The following TRAPPC9 variants were observed in gnomAD, a reference collection of about 807,000 sequenced individuals.
The protein encoded by TRAPPC9 is IKK2 binding protein.
A neutral mutation model predicts 124.0 loss-of-function variants in TRAPPC9; 83 were observed. That is an observed-to-expected ratio of 0.67 (90% CI 0.56 to 0.80). The LOEUF is 0.80. Ranked by LOEUF, TRAPPC9 falls within the 30% of genes least tolerant of loss-of-function variation. The probability of loss-of-function intolerance (pLI) is 0.00; values close to 1 mark genes in which losing one functional copy is unlikely to be tolerated. For missense variants in TRAPPC9, 1,302 were observed against 1,508.3 expected (o/e 0.86, Z 2.27); for synonymous variants, 638 against 617.5 (o/e 1.03, Z -0.49).
At chr8:140,093,334 G>T (rs1844698477) in intron 17 of TRAPPC9, among the ~76,000 whole-genome samples, 1 of 152,146 alleles carries the variant, frequency 6.6e-6, no homozygotes, top group Non-Finnish European at 1.5e-5. Context: ...AGCAGATGGT[G>T]ACCTGAAGAA....
intron 10 of TRAPPC9, among the ~76,000 whole-genome samples, chr8:140,309,899 C>T (rs1354797267): frequency 3.3e-5 from 5 of 152,316 alleles, no homozygotes; most frequent in Admixed American, 1.3e-4. Flanking sequence ...GCCACAGCCA[C>T]GCCTTTTGGA....
chr8:139,980,737 G>A lies in TRAPPC9; in HGVS notation c.2810+7989C>T, dbSNP rs76775822. On this transcript the variant is annotated intron_variant, in intron 19 of 22. Transcript: ENST00000438773. ...GAGTTGAGGCTGCAGAGGGCTCCGC[G>A]TGGCTCCAGCCCGTGCGTGTTCATC... 4.4e-3 allele frequency among the ~76,000 whole-genome samples: 671 copies of A among 152,332 alleles called. 12 individuals are homozygous for A. Among genetic ancestry groups the A allele is most frequent in the East Asian group, 0.019 (98 of 5,174 alleles).
intron 17 of TRAPPC9, among the ~76,000 whole-genome samples, chr8:140,167,386 A>G (rs1028130812): frequency 3.9e-5 from 6 of 152,168 alleles, no homozygotes; most frequent in African/African-American, 1.4e-4. Context: ...ACACCTCTGC[A>G]CACACACCAC....
intron 20 of TRAPPC9, among the ~76,000 whole-genome samples, chr8:139,897,997 C>T (rs887136359): frequency 1.2e-4 from 18 of 152,210 alleles, no homozygotes; most frequent in African/African-American, 3.1e-4. Flanking sequence ...TTCTGGGGGA[C>T]GACGTAAGGC....
At chr8:140,303,145 G>A (rs531263277) in intron 10 of TRAPPC9, among the ~76,000 whole-genome samples, 2 of 152,182 alleles carry the variant, frequency 1.3e-5, no homozygotes, top group Admixed American at 6.5e-5. Flanking sequence ...AAAAGTTTAA[G>A]TTTTAAACGT....
chr8:139,917,821 C>T (rs544893969), intron 19 of TRAPPC9, among the ~76,000 whole-genome samples: 1 of 152,342 alleles, frequency 6.6e-6, no homozygotes, highest in African/African-American at 2.4e-5. Context: ...TCCACAGAGT[C>T]GTCCCCATCG....
At chr8:139,911,522 T>C (rs899161587) in intron 19 of TRAPPC9, among the ~76,000 whole-genome samples, 2 of 152,096 alleles carry the variant, frequency 1.3e-5, no homozygotes, top group South Asian at 2.1e-4. Flanking sequence ...CTGGCCAACA[T>C]GGTGAAACCC....
At chr8:139,796,232 C>T (rs974467581) in intron 21 of TRAPPC9, among the ~76,000 whole-genome samples, 6 of 152,174 alleles carry the variant, frequency 3.9e-5, no homozygotes, top group Non-Finnish European at 8.8e-5. Flanking sequence ...GCGCTGTTCA[C>T]AAACATATTC....
At chr8:140,010,823 T>A (rs139006299) in intron 18 of TRAPPC9, among the ~76,000 whole-genome samples, 1 of 152,122 alleles carries the variant, frequency 6.6e-6, no homozygotes, top group African/African-American at 2.4e-5. Flanking sequence ...AAAGTTTATA[T>A]ACAAGAATGT....
chr8:140,335,692 A>G (rs1187129784), intron 9 of TRAPPC9, among the ~76,000 whole-genome samples: 1 of 147,556 alleles, frequency 6.8e-6, no homozygotes, highest in Non-Finnish European at 1.5e-5. Context: ...AAGTCCCATC[A>G]TAAGTCTTCA....
chr8:139,989,399 C>T (rs1159151492), intron 18 of TRAPPC9, among the ~76,000 whole-genome samples: 1 of 152,210 alleles, frequency 6.6e-6, no homozygotes, highest in African/African-American at 2.4e-5. Flanking sequence ...CATCACCCTC[C>T]GAAGCCTCTA....
chr8:139,998,260 A>G (rs1838167978), intron 18 of TRAPPC9, among the ~76,000 whole-genome samples: 1 of 152,266 alleles, frequency 6.6e-6, no homozygotes, highest in Admixed American at 6.5e-5. Flanking sequence ...ATAAAGGAAA[A>G]TTAAGAATCT....
intron 20 of TRAPPC9, among the ~76,000 whole-genome samples, chr8:139,889,748 G>A (rs1391990824): frequency 2.0e-5 from 3 of 152,186 alleles, no homozygotes; most frequent in Non-Finnish European, 4.4e-5. Context: ...GAGAAATCTC[G>A]CAGGGTAGCG....
intron 17 of TRAPPC9, among the ~76,000 whole-genome samples, chr8:140,173,141 T>A (rs888539725): frequency 9.2e-5 from 14 of 152,230 alleles, no homozygotes; most frequent in African/African-American, 3.4e-4. Flanking sequence ...CACAACCCAT[T>A]AACTGATAAC....
chr8:140,194,989 T>C, intron 17 of TRAPPC9, among the ~76,000 whole-genome samples: 1 of 150,550 alleles, frequency 6.6e-6, no homozygotes, highest in Non-Finnish European at 1.5e-5. Flanking sequence ...TAAAACACAC[T>C]CAAGGTTCTA....
intron 18 of TRAPPC9, among the ~76,000 whole-genome samples, chr8:140,009,700 C>T (rs1265696652): frequency 4.6e-5 from 7 of 152,366 alleles, no homozygotes; most frequent in South Asian, 2.1e-4. Flanking sequence ...CCGCCCGTGG[C>T]GCAACAGCAC....
chr8:139,805,432 C>T (rs1823982183), intron 21 of TRAPPC9, among the ~76,000 whole-genome samples: 1 of 152,228 alleles, frequency 6.6e-6, no homozygotes, highest in Non-Finnish European at 1.5e-5. Context: ...GCAGCCCTGC[C>T]ATTTGTCAGC....
At chr8:140,031,197 C>T (rs1254582607) in intron 17 of TRAPPC9, among the ~76,000 whole-genome samples, 1 of 152,182 alleles carries the variant, frequency 6.6e-6, no homozygotes, top group Non-Finnish European at 1.5e-5. Flanking sequence ...GGTTCTGCAT[C>T]AGAAGAAACA....
At chr8:140,121,821 A>C (rs1168625883) in intron 17 of TRAPPC9, among the ~76,000 whole-genome samples, 1 of 152,124 alleles carries the variant, frequency 6.6e-6, no homozygotes, top group Non-Finnish European at 1.5e-5. Context: ...GTGTGTCTGT[A>C]GGGCAGGCTC....
Sources: gnomAD v4.1 joint callset for allele counts (sites outside exome capture counted in the v4.1 genomes callset) on GRCh38, gnomAD v4.1.1 for gene constraint, MANE v1.5 for transcripts, NCBI Gene and HGNC (gene_info 2026-07-23, HGNC 2026-07-21) for gene names.